The following CDC42 variants were observed in gnomAD, a reference collection of about 807,000 sequenced individuals.
CDC42 encodes cell division cycle 42.
In CDC42, 1 loss-of-function variant was observed where a neutral mutation model predicts 20.8. The observed-to-expected ratio is 0.05, with a 90% CI of 0.02 to 0.23. The LOEUF (loss-of-function observed/expected upper bound fraction) is 0.23. Among genes scored for constraint, CDC42 ranks in the 10% least tolerant of loss-of-function variants. The probability of loss-of-function intolerance (pLI) is 1.00; values close to 1 mark genes in which losing one functional copy is unlikely to be tolerated. For missense variants in CDC42, 49 were observed against 227.9 expected (o/e 0.21, Z 5.05); for synonymous variants, 72 against 84.8 (o/e 0.85, Z 0.83).
chr1:22,071,895 C>T (rs542209618), intron 1 of CDC42, among the ~76,000 whole-genome samples: 8 of 152,060 alleles, frequency 5.3e-5, no homozygotes, highest in Non-Finnish European at 8.8e-5. Context: ...CAGTTTAATT[C>T]TGATACTCCC....
rs1370016465 is a variant in CDC42, at chr1:22,097,429, A to G, written c.*5912A>G. ...GCTAATTTTTGTATTTTTAGTAGAG[A>G]TGGGGTTTCACCATGTTGGCCAGGC... is the stretch of plus-strand genomic sequence containing the variant. On this transcript the variant is annotated 3_prime_UTR_variant, in exon 6 of 6. Transcript: ENST00000656825. Among the ~76,000 whole-genome samples, 1 of 152,070 alleles carries G rather than the reference A, an allele frequency of 6.6e-6. No homozygotes were observed. Among genetic ancestry groups the G allele is most frequent in the Non-Finnish European group, 1.5e-5 (1 of 68,006 alleles).
At chr1:22,057,531 T>TGC (rs1361513468) in intron 1 of CDC42, among the ~76,000 whole-genome samples, 1 of 151,912 alleles carries the variant, frequency 6.6e-6, no homozygotes, top group African/African-American at 2.4e-5. Flanking sequence ...ATTGCAGGCA[T>TGC]GCGTCAGCGC....
chr1:22,071,019 G>A (rs1645484286), intron 1 of CDC42, among the ~76,000 whole-genome samples: 1 of 150,808 alleles, frequency 6.6e-6, no homozygotes, highest in African/African-American at 2.4e-5. Flanking sequence ...ACGGCACTGA[G>A]GAACAAGCAT....
rs1645777304 is a variant in CDC42 at position 22,099,647 on chromosome 1, G to C, written c.*8130G>C. Among the ~76,000 whole-genome samples, 1 of 152,162 alleles carries C rather than the reference G, an allele frequency of 6.6e-6. No individual in the cohort carries two copies. The highest frequency in any genetic ancestry group is 2.1e-4 in the South Asian group (1 of 4,828). ...TAGGTTTGTTGGGTAGGAGCTTTTT[G>C]GGGGAGGTGACTTTAGGATCAGTTG... On this transcript the variant is annotated 3_prime_UTR_variant, in exon 6 of 6. Coordinates refer to ENST00000656825, the MANE Select transcript of CDC42 (RefSeq NM_001791.4).
intron 1 of CDC42, among the ~76,000 whole-genome samples, chr1:22,055,763 T>C (rs931579959): frequency 1.3e-5 from 2 of 152,110 alleles, no homozygotes; most frequent in East Asian, 1.9e-4. Context: ...TGCTGGGATA[T>C]AGGCATGAGC....
Position 22,060,626 on chromosome 1 carries a change from AGAG to A in CDC42, c.-51+7888_-51+7890del, listed in dbSNP as rs368066807. ...TTTTAATCTATATAAAAGCAGATGA[AGAG>A]GAGTGGGAAGTGAAAGAATAATGTT... is the stretch of plus-strand genomic sequence containing the variant. On this transcript the variant is annotated intron_variant, in intron 1 of 5. Coordinates refer to ENST00000656825, the MANE Select transcript of CDC42 (RefSeq NM_001791.4). 5.5e-3 allele frequency among the ~76,000 whole-genome samples: 842 copies of A among 152,270 alleles called. 14 individuals are homozygous for A. Among genetic ancestry groups the A allele is most frequent in the African/African-American group, 0.019 (805 of 41,526 alleles).
At chr1:22,089,707 T>C (rs1372516165) in intron 5 of CDC42, among the ~76,000 whole-genome samples, 1 of 152,236 alleles carries the variant, frequency 6.6e-6, no homozygotes, top group Admixed American at 6.5e-5. Flanking sequence ...AGTCAACATA[T>C]TGCATTTTAA....
At chr1:22,085,736 A>AT in intron 3 of CDC42, among the ~76,000 whole-genome samples, 1 of 152,176 alleles carries the variant, frequency 6.6e-6, no homozygotes, top group Non-Finnish European at 1.5e-5. Flanking sequence ...GGTCTTATAT[A>AT]CACGCATTAA....
At chr1:22,056,151 G>A (rs1421702364) in intron 1 of CDC42, among the ~76,000 whole-genome samples, 1 of 152,142 alleles carries the variant, frequency 6.6e-6, no homozygotes, top group Non-Finnish European at 1.5e-5. Context: ...CATACAGTAG[G>A]TTTTAAGAAA....
chr1:22,063,813 C>T (rs1034699301), intron 1 of CDC42, among the ~76,000 whole-genome samples: 3 of 152,054 alleles, frequency 2.0e-5, no homozygotes, highest in Non-Finnish European at 4.4e-5. Context: ...CTTCGCCTCC[C>T]GGGTTCAAGT....
Position 22,093,382 on chromosome 1 carries a change from G to A in CDC42, c.*1865G>A, listed in dbSNP as rs1645734401. On this transcript the variant is annotated 3_prime_UTR_variant, in exon 6 of 6. Transcript: ENST00000656825. ...ATTTCTAAAATGTAGCCAAGTTTGG[G>A]AATCACCACACCTAGTTGGTTATCT... 6.6e-6 allele frequency among the ~76,000 whole-genome samples: 1 copy of A among 152,178 alleles called. No individual in the cohort carries two copies. Among genetic ancestry groups the A allele is most frequent in the African/African-American group, 2.4e-5 (1 of 41,436 alleles).
intron 2 of CDC42, 135 bp from the exon 3 acceptor site, chr1:22,081,587 G>T (rs1247824752): frequency 4.9e-6 from 3 of 609,944 alleles, no homozygotes; most frequent in Non-Finnish European, 8.8e-6. Flanking sequence ...GGCAAGATTG[G>T]TTATATAAGG....
intron 5 of CDC42, among the ~76,000 whole-genome samples, chr1:22,089,444 G>A (rs768851206): frequency 2.6e-5 from 4 of 152,274 alleles, no homozygotes; most frequent in South Asian, 4.1e-4. Context: ...AGTGTATGCT[G>A]TTTTTAGAGT....
rs11586585 is a variant in CDC42 at position 22,087,939 on chromosome 1, A to G, written c.486+1073A>G. Among the ~76,000 whole-genome samples, 941 of 152,340 alleles carry G rather than the reference A, an allele frequency of 6.2e-3. 9 individuals are homozygous for G. Among genetic ancestry groups the G allele is most frequent in the African/African-American group, 0.022 (909 of 41,582 alleles). On this transcript the variant is annotated intron_variant, in intron 5 of 5. Coordinates refer to ENST00000656825, the MANE Select transcript of CDC42 (RefSeq NM_001791.4). The stretch of plus-strand genomic sequence containing the variant: ...GTTTAGTACTTGGTTGGATATTTAC[A>G]GATAAAACTTTTATGCTTAACTGGG...
chr1:22,061,893 G>A (rs1479541446), intron 1 of CDC42, among the ~76,000 whole-genome samples: 2 of 151,144 alleles, frequency 1.3e-5, no homozygotes, highest in African/African-American at 2.4e-5. Flanking sequence ...GTTTGATGAC[G>A]TTTCATCCTC....
intron 1 of CDC42, among the ~76,000 whole-genome samples, chr1:22,061,532 C>CT (rs555957608): frequency 1.2e-3 from 44 of 36,228 alleles, no homozygotes; most frequent in South Asian, 0.012. Flanking sequence ...ATGTTTCTTT[C>CT]TTTTTTTTTT....
At chr1:22,055,219 C>A (rs1239644376) in intron 1 of CDC42, among the ~76,000 whole-genome samples, 1 of 151,566 alleles carries the variant, frequency 6.6e-6, no homozygotes, top group Non-Finnish European at 1.5e-5. Flanking sequence ...CCGCAAAGTG[C>A]TGAGATTACA....
At chr1:22,071,336 AC>A (rs1314953047) in intron 1 of CDC42, among the ~76,000 whole-genome samples, 1 of 151,894 alleles carries the variant, frequency 6.6e-6, no homozygotes, top group Non-Finnish European at 1.5e-5. Flanking sequence ...GAGCCACCGC[AC>A]CCGGTCGGAA....
chr1:22,055,244 T>C (rs142703324), intron 1 of CDC42, among the ~76,000 whole-genome samples: 1,672 of 151,830 alleles, frequency 0.011, 31 homozygotes, highest in African/African-American at 0.038. Flanking sequence ...TGAGCCACCG[T>C]GCCCGGCCTG....
Sources: gnomAD v4.1 joint callset for allele counts (sites outside exome capture counted in the v4.1 genomes callset) on GRCh38, gnomAD v4.1.1 for gene constraint, MANE v1.5 for transcripts, NCBI Gene and HGNC (gene_info 2026-07-23, HGNC 2026-07-21) for gene names.